The following CES5A variants were observed in gnomAD, a reference collection of about 807,000 sequenced individuals.
CES5A encodes the protein carboxylesterase 5.
A neutral mutation model predicts 62.9 loss-of-function variants in CES5A; 67 were observed. That is an observed-to-expected ratio of 1.07 (90% CI 0.88 to 1.31). The LOEUF is 1.31. Ranked by LOEUF, CES5A falls within the 50% of genes most tolerant of loss-of-function variation. The probability of loss-of-function intolerance (pLI) is 0.00; values close to 1 mark genes in which losing one functional copy is unlikely to be tolerated. For synonymous variants in CES5A, 296 were observed against 280.8 expected (o/e 1.05, Z -0.54); for missense variants, 748 against 708.5 (o/e 1.06, Z -0.63).
chr16:55,932,891 G>A (rs1176656232), intron 2 of CES5A, among the ~76,000 whole-genome samples: 3 of 152,246 alleles, frequency 2.0e-5, no homozygotes, highest in African/African-American at 7.2e-5. Context: ...GGATACAAAG[G>A]TAGGAGTAGG....
intron 2 of CES5A, among the ~76,000 whole-genome samples, chr16:55,948,338 A>G (rs1415268960): frequency 6.6e-6 from 1 of 152,208 alleles, no homozygotes; most frequent in East Asian, 1.9e-4. Flanking sequence ...TTCATGTGAA[A>G]AGGAGGGGGC....
chr16:55,906,413 C>T (rs1210984169), intron 1 of CES5A, among the ~76,000 whole-genome samples: 2 of 152,196 alleles, frequency 1.3e-5, no homozygotes, highest in African/African-American at 4.8e-5. Context: ...AGGGTGGTCA[C>T]AGAGGAGCCA....
intron 1 of CES5A, among the ~76,000 whole-genome samples, chr16:55,915,109 G>A (rs2034134067): frequency 6.6e-6 from 1 of 151,976 alleles, no homozygotes; most frequent in Admixed American, 6.6e-5. Flanking sequence ...ATTACTCCAG[G>A]CTGGAATTAG....
At position 55,888,431 on chromosome 16, in the gene CES5A, C is replaced by T. The variant is rs76012799; in HGVS notation, c.-255-14394G>A. 3.0e-4 allele frequency among the ~76,000 whole-genome samples: 45 copies of T among 152,300 alleles called. No homozygotes were observed. The East Asian group carries it at 7.5e-3, about 25-fold the overall frequency. On this transcript the variant is annotated intron_variant, in intron 1 of 12. Coordinates refer to the CES5A transcript ENST00000518005. ...AGGCTCCAGCTTCCTGTTATTCAAG[C>T]GAACAATTCTAGTAGATATTCTGTT... is the stretch of plus-strand genomic sequence containing the variant.
intron 7 of CES5A, among the ~76,000 whole-genome samples, chr16:55,860,069 C>A (rs1332346174): frequency 6.6e-6 from 1 of 152,062 alleles, no homozygotes; most frequent in Non-Finnish European, 1.5e-5. Flanking sequence ...ATCATGGGGG[C>A]AGGTCTTTCC....
chr16:55,891,160 A>G (rs1362647392), intron 1 of CES5A, among the ~76,000 whole-genome samples: 1 of 152,120 alleles, frequency 6.6e-6, no homozygotes, highest in Non-Finnish European at 1.5e-5. Context: ...AAATTAGCCA[A>G]TCAGAAATGG....
At chr16:55,949,641 T>G in intron 2 of CES5A, 1 of 406,270 alleles carries the variant, frequency 2.5e-6, no homozygotes, top group East Asian at 3.7e-5. Flanking sequence ...TGAGGCAGGA[T>G]AAGAACATCT....
chr16:55,926,372 A>T (rs1390217240), upstream of CES5A, among the ~76,000 whole-genome samples: 1 of 152,220 alleles, frequency 6.6e-6, no homozygotes, highest in Non-Finnish European at 1.5e-5. Flanking sequence ...GATAACAAGA[A>T]TATAAATTTT....
chr16:55,943,001 C>T (rs1221384622), intron 2 of CES5A, among the ~76,000 whole-genome samples: 1 of 152,244 alleles, frequency 6.6e-6, no homozygotes, highest in South Asian at 2.1e-4. Flanking sequence ...TGGTTGCCTG[C>T]GGGCTTGGAA....
chr16:55,931,809 A>T (rs2034315123), intron 2 of CES5A, among the ~76,000 whole-genome samples: 1 of 152,240 alleles, frequency 6.6e-6, no homozygotes, highest in Non-Finnish European at 1.5e-5. Flanking sequence ...GAGGACAGGG[A>T]CCTTGCCTTG....
At chr16:55,862,077 C>T (rs1437860540) in intron 6 of CES5A, among the ~76,000 whole-genome samples, 1 of 152,148 alleles carries the variant, frequency 6.6e-6, no homozygotes, top group Non-Finnish European at 1.5e-5. Context: ...TAAGGCCCAA[C>T]TCCTTCCCTC....
chr16:55,948,104 G>A (rs74019341), intron 2 of CES5A, among the ~76,000 whole-genome samples: 3,442 of 152,108 alleles, frequency 0.023, 135 homozygotes, highest in African/African-American at 0.077. Flanking sequence ...AAGTGATGTC[G>A]ATCAATTTAG....
intron 1 of CES5A, among the ~76,000 whole-genome samples, chr16:55,882,301 G>A (rs1453927396): frequency 1.3e-5 from 2 of 152,144 alleles, no homozygotes; most frequent in South Asian, 2.1e-4. Context: ...TGGTCACTTG[G>A]TGTCCATGGT....
intron 1 of CES5A, among the ~76,000 whole-genome samples, chr16:55,924,549 T>C (rs1239465332): frequency 1.3e-5 from 2 of 152,042 alleles, no homozygotes; most frequent in African/African-American, 4.8e-5. Flanking sequence ...AATGATATTC[T>C]TTACAGAAAT....
chr16:55,921,124 G>A (rs1327095493), intron 1 of CES5A, among the ~76,000 whole-genome samples: 4 of 152,048 alleles, frequency 2.6e-5, no homozygotes, highest in Admixed American at 2.6e-4. Context: ...GATGTAAAAA[G>A]TTACCTCAAA....
At chr16:55,886,452 G>A (rs112317524) in intron 1 of CES5A, among the ~76,000 whole-genome samples, 1 of 152,202 alleles carries the variant, frequency 6.6e-6, no homozygotes, top group African/African-American at 2.4e-5. Flanking sequence ...CAAACAGAGG[G>A]ACAAAACTCA....
At chr16:55,897,822 G>A (rs563941896) in intron 1 of CES5A, among the ~76,000 whole-genome samples, 21 of 152,284 alleles carry the variant, frequency 1.4e-4, no homozygotes, top group African/African-American at 5.1e-4. Flanking sequence ...AGCATTGGTA[G>A]AATAAAGAAA....
chr16:55,950,944 T>C (rs1231883893), intron 1 of CES5A, among the ~76,000 whole-genome samples: 3 of 150,902 alleles, frequency 2.0e-5, no homozygotes, highest in Non-Finnish European at 3.0e-5. Context: ...CTACTAAAAA[T>C]ACAAAAAATT....
At chr16:55,901,925 A>G (rs2033994371) in intron 1 of CES5A, among the ~76,000 whole-genome samples, 1 of 152,214 alleles carries the variant, frequency 6.6e-6, no homozygotes, top group African/African-American at 2.4e-5. Context: ...GTGGTTTAGC[A>G]GCCAGCAGCA....
Sources: gnomAD v4.1 joint callset for allele counts (sites outside exome capture counted in the v4.1 genomes callset) on GRCh38, gnomAD v4.1.1 for gene constraint, MANE v1.5 for transcripts, NCBI Gene and HGNC (gene_info 2026-07-23, HGNC 2026-07-21) for gene names.